The following EIF5B variants were observed in gnomAD, a reference collection of about 807,000 sequenced individuals.
EIF5B encodes the protein eIF-5B.
EIF5B carries 47 observed loss-of-function variants against 147.5 expected under a neutral mutation model. That is an observed-to-expected ratio of 0.32 (90% confidence interval 0.25 to 0.41). The LOEUF (loss-of-function observed/expected upper bound fraction) is 0.41, where lower values mean the gene tolerates loss of function less well. Ranked by LOEUF, EIF5B falls within the 10% of genes least tolerant of loss-of-function variation. The probability of loss-of-function intolerance (pLI) is 1.00; values close to 1 mark genes in which losing one functional copy is unlikely to be tolerated. For missense variants in EIF5B, 1,064 were observed against 1,413.2 expected, an observed-to-expected ratio of 0.75 and a Z score of 3.96; for synonymous variants, 455 against 456.2, an observed-to-expected ratio of 1.00 and a Z score of 0.03.
At chr2:99,366,143 A>G (rs1225011725) in intron 6 of EIF5B, among the ~76,000 whole-genome samples, 1 of 152,190 alleles carries the variant, frequency 6.6e-6, no homozygotes, top group Non-Finnish European at 1.5e-5. Flanking sequence ...AACTCATTTC[A>G]GGCAAAGAGC....
intron 6 of EIF5B, among the ~76,000 whole-genome samples, chr2:99,364,639 G>C (rs1674290109): frequency 6.6e-6 from 1 of 152,188 alleles, no homozygotes; most frequent in Non-Finnish European, 1.5e-5. Flanking sequence ...ATGATAGTAT[G>C]TCTAAATAAG....
At position 99,361,202 on chromosome 2, in the gene EIF5B, C is replaced by A; in HGVS notation, c.301C>A (p.Gln101Lys). ...FTSKDKKKKG[Q>K]KGKKQSFDDN... ...CTCAAAAGATAAAAAAAAGAAAGGA[C>A]AGAAGGGCAAAAAACAGAGTTTTGA... Residue 101 changes from glutamine (Q) to lysine (K), a missense_variant, in exon 4 of 24, where the codon CAG becomes AAG. Transcript: ENST00000289371. The A allele has an allele frequency of 6.3e-7, 1 of 1,590,116 alleles. No homozygotes were observed. Among genetic ancestry groups the A allele is most frequent in the East Asian group, 2.3e-5 (1 of 44,312 alleles).
At chr2:99,381,446 G>T (rs1674686190) in intron 12 of EIF5B, among the ~76,000 whole-genome samples, 1 of 151,628 alleles carries the variant, frequency 6.6e-6, no homozygotes, top group Non-Finnish European at 1.5e-5. Flanking sequence ...ATGTAGATCA[G>T]GATACCAAAT....
At chr2:99,355,997 A>T (rs1434611642) in intron 1 of EIF5B, among the ~76,000 whole-genome samples, 1 of 152,176 alleles carries the variant, frequency 6.6e-6, no homozygotes, top group African/African-American at 2.4e-5. Flanking sequence ...TGTGCCCCAC[A>T]CCTAGTTTCT....
intron 14 of EIF5B, among the ~76,000 whole-genome samples, chr2:99,387,885 C>T (rs1442734269): frequency 3.9e-5 from 6 of 152,242 alleles, no homozygotes; most frequent in African/African-American, 1.4e-4. Flanking sequence ...GTTACCCAGG[C>T]TGGTCTCGAA....
At chr2:99,353,149 G>A (rs551912524) in intron 1 of EIF5B, among the ~76,000 whole-genome samples, 13 of 151,254 alleles carry the variant, frequency 8.6e-5, no homozygotes, top group Non-Finnish European at 1.9e-4. Flanking sequence ...TGAGTAGCTG[G>A]GACTACAGGC....
intron 1 of EIF5B, among the ~76,000 whole-genome samples, chr2:99,340,468 A>G (rs934306882): frequency 5.9e-5 from 9 of 152,170 alleles, no homozygotes; most frequent in Admixed American, 2.0e-4. Flanking sequence ...GTTTCTGGCA[A>G]GGTGTGAACT....
rs1047602478 is a variant in EIF5B, at chr2:99,390,259, G to A, written c.2444G>A (p.Arg815His). Residue 815 changes from arginine to histidine, a missense_variant, in exon 16 of 24, where the codon CGC (arginine) becomes CAC (histidine). Physicochemically the swap from Arg to His is conservative, Grantham distance 29. Around this residue, in one of 4 missense-constraint regions of EIF5B, gnomAD observed 380 missense variants for 715.6 expected, o/e 0.53. Coordinates refer to ENST00000289371, the MANE Select transcript of EIF5B (RefSeq NM_015904.4). Reference sequence around the variant, plus strand: ...TTGTTTTATGAGAATAAAGATCCCCGCACTTTTGTGTCTTTGGTACCTACC... The same window carrying A: ...TTGTTTTATGAGAATAAAGATCCCCACACTTTTGTGTCTTTGGTACCTACC... ...AALFYENKDP[R>H]TFVSLVPTSA... 6 of 1,613,902 alleles carry A rather than the reference G, an allele frequency of 3.7e-6. No individual in the cohort carries two copies. The highest frequency in any genetic ancestry group is 5.1e-6 in the Non-Finnish European group (6 of 1,179,958).
At chr2:99,359,206 C>A (rs372015638) in intron 1 of EIF5B, among the ~76,000 whole-genome samples, 23 of 140,688 alleles carry the variant, frequency 1.6e-4, no homozygotes, top group Non-Finnish European at 1.5e-4. Flanking sequence ...ACTTAAAATA[C>A]AAAAAAAAAA....
At chr2:99,353,005 CTTTTTTTTTTTTTTT>C (rs529053292) in intron 1 of EIF5B, among the ~76,000 whole-genome samples, 4 of 62,850 alleles carry the variant, frequency 6.4e-5, no homozygotes, top group African/African-American at 2.7e-4. Flanking sequence ...TCTTCTTCTT[CTTTTTTTTTTTTTTT>C]TTTTTTTTTT....
chr2:99,396,249 G>A (rs907849726), intron 21 of EIF5B, among the ~76,000 whole-genome samples: 2 of 152,198 alleles, frequency 1.3e-5, no homozygotes, highest in Non-Finnish European at 2.9e-5. Context: ...CATTTTAAGC[G>A]TGTGCTCAAT....
intron 1 of EIF5B, among the ~76,000 whole-genome samples, chr2:99,359,084 C>T (rs12623540): frequency 0.38 from 57,952 of 151,678 alleles, 11,849 homozygotes; most frequent in East Asian, 0.63. Context: ...TTACTGAGAC[C>T]GGGAGCAGTG....
intron 1 of EIF5B, among the ~76,000 whole-genome samples, chr2:99,344,493 G>A (rs1438099043): frequency 6.6e-6 from 1 of 151,668 alleles, no homozygotes. Context: ...CTGGAGTACA[G>A]TGGTGTGATC....
chr2:99,376,366 T>C lies in EIF5B; in HGVS notation c.1572T>C (p.His524=). ...ETEKVEGNKV[H]IEVKENPEEE... ...TCGTAGTAGAAGGAAACAAAGTTCA[T>C]ATAGAAGTAAAAGAAAACCCTGAAG... The change falls in exon 10 of 24, where the codon CAT becomes CAC. Residue 524 remains histidine, a synonymous_variant. Transcript: ENST00000289371. The C allele has an allele frequency of 1.4e-6, 2 of 1,459,380 alleles. No homozygotes were observed. The highest frequency in any genetic ancestry group is 2.5e-5 in the South Asian group (2 of 79,128). The allele number at this position is 1,459,380 out of a possible 1,614,324, so 90.4% of individuals were successfully genotyped here. A position where few individuals can be genotyped will look rare whatever the true frequency, so the allele number is the denominator to read the frequency against.
intron 22 of EIF5B, chr2:99,398,138 G>T (rs552777506): frequency 6.6e-6 from 1 of 152,300 alleles, no homozygotes; most frequent in South Asian, 2.1e-4. Context: ...GCACTTAGAA[G>T]TTGTCATTGC....
rs927391743 is a variant in EIF5B at position 99,401,051 on chromosome 2, A to G, written c.*1637A>G. 21 of 419,282 alleles carry G rather than the reference A, an allele frequency of 5.0e-5. No individual in the cohort carries two copies. Among genetic ancestry groups the G allele is most frequent in the Admixed American group, 7.4e-5 (2 of 27,162 alleles). The allele number at this position is 419,282 out of a possible 1,614,324, so 26.0% of individuals were successfully genotyped here. A position where few individuals can be genotyped will look rare whatever the true frequency, so the allele number is the denominator to read the frequency against. ...TAAATAGAATCTATGCTACAGTAAA[A>G]TAATTAACACAATTATTTACATGCA... On this transcript the variant is annotated 3_prime_UTR_variant, in exon 24 of 24. Coordinates refer to ENST00000289371, the MANE Select transcript of EIF5B (RefSeq NM_015904.4).
chr2:99,360,170 A>G, intron 1 of EIF5B, 66 bp from the exon 2 acceptor site: 2 of 1,523,426 alleles, frequency 1.3e-6, no homozygotes, highest in Non-Finnish European at 1.8e-6. Context: ...AAATGATAAA[A>G]TCTATATAAA....
chr2:99,383,985 G>A (rs997266105), intron 14 of EIF5B, among the ~76,000 whole-genome samples: 8 of 151,856 alleles, frequency 5.3e-5, no homozygotes, highest in Non-Finnish European at 8.8e-5. Flanking sequence ...CGAGGCGGGC[G>A]GATCACGAGG....
intron 1 of EIF5B, among the ~76,000 whole-genome samples, chr2:99,355,263 T>G (rs1674070866): frequency 1.3e-5 from 2 of 152,304 alleles, no homozygotes; most frequent in South Asian, 4.1e-4. Flanking sequence ...GTTTAGCTAT[T>G]CTAGTTTCTT....
Sources: allele counts gnomAD v4.1 joint callset (sites outside exome capture counted in the v4.1 genomes callset), GRCh38; gene constraint gnomAD v4.1.1; regional missense constraint gnomAD v4.1.1; transcripts MANE v1.5; gene names NCBI Gene and HGNC (gene_info 2026-07-23, HGNC 2026-07-21).